MTHFD2L: variants seen among roughly 807,000 people sequenced by gnomAD.
MTHFD2L encodes the protein methylenetetrahydrofolate dehydrogenase (NADP+ dependent) 2 like, also known as bifunctional methylenetetrahydrofolate dehydrogenase/cyclohydrolase 2, mitochondrial.
In MTHFD2L, 29 loss-of-function variants were observed where a neutral mutation model predicts 34.9. The ratio of observed to expected loss-of-function variants is 0.83; its 90% CI spans 0.62 to 1.13. MTHFD2L has a LOEUF of 1.13. MTHFD2L is among the 50% of genes most tolerant of loss of function. The pLI is 0.00. For synonymous variants in MTHFD2L, 167 were observed against 155.7 expected, an observed-to-expected ratio of 1.07 and a Z score of -0.54; for missense variants, 481 against 446.5, an observed-to-expected ratio of 1.08 and a Z score of -0.70.
intron 6 of MTHFD2L, among the ~76,000 whole-genome samples, chr4:74,248,492 C>T (rs1742815197): frequency 4.0e-5 from 6 of 150,456 alleles, no homozygotes; most frequent in Admixed American, 4.0e-4. Flanking sequence ...CAGTTCTGCT[C>T]TGATTTTAGT....
intron 6 of MTHFD2L, among the ~76,000 whole-genome samples, chr4:74,231,479 C>T (rs907040919): frequency 6.6e-6 from 1 of 152,158 alleles, no homozygotes; most frequent in Non-Finnish European, 1.5e-5. Flanking sequence ...CATTTCATGG[C>T]TTCACTCATA....
rs148638529 is a variant in MTHFD2L, at chr4:74,251,377, A to C, written c.805+25983A>C. On this transcript the variant is annotated intron_variant, in intron 6 of 7. Transcript: ENST00000325278. ...TCTCTTCTCCTAAGTACATGATGAG[A>C]ATGAAATGTTTTCTATCATTTGGTG... is the stretch of plus-strand genomic sequence containing the variant. Among the ~76,000 whole-genome samples, 713 of 152,326 alleles carry C rather than the reference A, an allele frequency of 4.7e-3. 8 individuals are homozygous for C. Among genetic ancestry groups the C allele is most frequent in the African/African-American group, 0.017 (690 of 41,582 alleles).
At chr4:74,238,471 G>A (rs1227162010) in intron 6 of MTHFD2L, among the ~76,000 whole-genome samples, 1 of 152,102 alleles carries the variant, frequency 6.6e-6, no homozygotes, top group Non-Finnish European at 1.5e-5. Context: ...AAAAGCAATG[G>A]CAACAAAAGC....
chr4:74,128,134 A>G (rs573588868), intron 1 of MTHFD2L, among the ~76,000 whole-genome samples: 1 of 152,144 alleles, frequency 6.6e-6, no homozygotes, highest in East Asian at 1.9e-4. Context: ...AGCTCCTTAT[A>G]TATTCTTGTT....
intron 1 of MTHFD2L, among the ~76,000 whole-genome samples, chr4:74,147,167 C>A (rs1723643185): frequency 6.6e-6 from 1 of 152,026 alleles, no homozygotes; most frequent in Admixed American, 6.6e-5. Context: ...TGTCTGATTT[C>A]TTTGGGTTTG....
intron 6 of MTHFD2L, among the ~76,000 whole-genome samples, chr4:74,260,069 G>T (rs1744495305): frequency 6.6e-6 from 1 of 152,180 alleles, no homozygotes; most frequent in Non-Finnish European, 1.5e-5. Flanking sequence ...TGGGCTCTAG[G>T]CAGACTGTAG....
intron 6 of MTHFD2L, among the ~76,000 whole-genome samples, chr4:74,244,956 AG>A (rs1357180373): frequency 6.6e-6 from 1 of 152,060 alleles, no homozygotes; most frequent in Non-Finnish European, 1.5e-5. Context: ...GCACTTTGGG[AG>A]GCCGAGGCGG....
intron 2 of MTHFD2L, among the ~76,000 whole-genome samples, chr4:74,115,031 G>C (rs1215265522): frequency 6.6e-6 from 1 of 152,182 alleles, no homozygotes; most frequent in Non-Finnish European, 1.5e-5. Context: ...CCCTTGCCCA[G>C]TAAATGGTAC....
chr4:74,234,750 A>C (rs143240617), intron 6 of MTHFD2L, among the ~76,000 whole-genome samples: 89 of 152,034 alleles, frequency 5.9e-4, no homozygotes, highest in Non-Finnish European at 1.1e-3. Flanking sequence ...TATTAGATAC[A>C]TGTATGTATG....
chr4:74,289,942 T>G (rs1280598717), intron 7 of MTHFD2L, among the ~76,000 whole-genome samples: 1 of 152,102 alleles, frequency 6.6e-6, no homozygotes, highest in Non-Finnish European at 1.5e-5. Flanking sequence ...AGGAAGGGGC[T>G]CTTTCCTGGT....
chr4:74,191,636 C>T (rs564368699), intron 3 of MTHFD2L, among the ~76,000 whole-genome samples: 102 of 152,138 alleles, frequency 6.7e-4, no homozygotes, highest in African/African-American at 2.2e-3. Flanking sequence ...CTGCAACCTT[C>T]GCTTCCCGGG....
In MTHFD2L at chr4:74,164,024, C is replaced by T. The variant is rs546401807; in HGVS notation, c.143+5743C>T. 8.5e-5 allele frequency among the ~76,000 whole-genome samples: 13 copies of T among 152,204 alleles called. No individual in the cohort carries two copies. In the East Asian group the frequency reaches 1.7e-3, roughly 20 times the overall value. The stretch of plus-strand genomic sequence containing the variant: ...CCAAGTAGCTGGGACTACAGGCGCC[C>T]GCCACCACGCCCGGCTAATTTTTTG... On this transcript the variant is annotated intron_variant, in intron 1 of 7. Coordinates refer to ENST00000325278, the MANE Select transcript of MTHFD2L (RefSeq NM_001144978.3).
chr4:74,277,799 G>A (rs1259844045), intron 6 of MTHFD2L, among the ~76,000 whole-genome samples: 1 of 150,348 alleles, frequency 6.7e-6, no homozygotes, highest in Non-Finnish European at 1.5e-5. Flanking sequence ...GTTTTTAGGT[G>A]TATGCATTTG....
At chr4:74,196,947 A>C (rs1265222592) in intron 3 of MTHFD2L, among the ~76,000 whole-genome samples, 2 of 139,002 alleles carry the variant, frequency 1.4e-5, no homozygotes, top group Non-Finnish European at 3.1e-5. Context: ...CTCTGTCTCA[A>C]AAAAAAAAAA....
chr4:74,256,899 T>G (rs1037885351), intron 6 of MTHFD2L, among the ~76,000 whole-genome samples: 3 of 152,302 alleles, frequency 2.0e-5, no homozygotes, highest in South Asian at 4.1e-4. Flanking sequence ...ATGTGATGCT[T>G]CCAGCTTTGT....
intron 6 of MTHFD2L, among the ~76,000 whole-genome samples, chr4:74,255,106 C>T (rs1743836556): frequency 8.0e-6 from 1 of 124,736 alleles, no homozygotes; most frequent in Middle Eastern, 7.6e-3. Flanking sequence ...TTGCACTCTA[C>T]CCTAGGCAAA....
At chr4:74,135,128 C>T (rs1178532523) in intron 1 of MTHFD2L, among the ~76,000 whole-genome samples, 1 of 151,808 alleles carries the variant, frequency 6.6e-6, no homozygotes, top group African/African-American at 2.4e-5. Flanking sequence ...TAGAGCATCA[C>T]ATTAGTCAAA....
At chr4:74,175,807 C>G (rs1203474061) in intron 3 of MTHFD2L, among the ~76,000 whole-genome samples, 3 of 152,004 alleles carry the variant, frequency 2.0e-5, no homozygotes, top group Admixed American at 1.3e-4. Flanking sequence ...ATTAGTAAAA[C>G]TAAGCTAATG....
At chr4:74,221,266 G>T (rs1560502336) in intron 5 of MTHFD2L, among the ~76,000 whole-genome samples, 1 of 151,258 alleles carries the variant, frequency 6.6e-6, no homozygotes, top group Non-Finnish European at 1.5e-5. Context: ...AGAAGAAAAT[G>T]TATTATTTAT....
Sources: allele counts gnomAD v4.1 joint callset (sites outside exome capture counted in the v4.1 genomes callset), GRCh38; gene constraint gnomAD v4.1.1; transcripts MANE v1.5; gene names NCBI Gene and HGNC (gene_info 2026-07-23, HGNC 2026-07-21).